Variants in UBE2QL1 observed in about 807,000 individuals in gnomAD.
The protein encoded by UBE2QL1 is ubiquitin-conjugating enzyme E2Q-like protein 1.
Under a neutral mutation model 12.6 loss-of-function variants are expected in UBE2QL1, and 5 were observed. The observed-to-expected ratio is 0.40, with a 90% confidence interval of 0.21 to 0.83. The LOEUF (loss-of-function observed/expected upper bound fraction) is 0.83. Among genes scored for constraint, UBE2QL1 ranks in the 40% least tolerant of loss-of-function variants. The pLI is 0.37. For synonymous variants in UBE2QL1, 96 were observed against 94.5 expected, an observed-to-expected ratio of 1.02 and a Z score of -0.10; for missense variants, 99 against 222.6, an observed-to-expected ratio of 0.44 and a Z score of 3.53.
At chr5:6,464,794 C>G (rs1739750131) in intron 1 of UBE2QL1, among the ~76,000 whole-genome samples, 2 of 152,176 alleles carry the variant, frequency 1.3e-5, no homozygotes, top group African/African-American at 2.4e-5. Flanking sequence ...ACTTAGAGTG[C>G]AGCTAATTTC....
chr5:6,470,832 G>A (rs1739900160), intron 1 of UBE2QL1, among the ~76,000 whole-genome samples: 1 of 152,138 alleles, frequency 6.6e-6, no homozygotes, highest in African/African-American at 2.4e-5. Flanking sequence ...CAGAAGTGGG[G>A]TACTGGATCA....
chr5:6,463,104 A>G (rs1190071810), intron 1 of UBE2QL1, among the ~76,000 whole-genome samples: 1 of 152,160 alleles, frequency 6.6e-6, no homozygotes, highest in Non-Finnish European at 1.5e-5. Flanking sequence ...ATTGCACCCA[A>G]TCTTAATTGT....
In UBE2QL1 at chr5:6,481,740, A is replaced by G. The variant is rs534750811; in HGVS notation, c.355-9478A>G. Among the ~76,000 whole-genome samples, 2 of 152,066 alleles carry G rather than the reference A, an allele frequency of 1.3e-5. No homozygotes were observed. Among genetic ancestry groups the G allele is most frequent in the African/African-American group, 2.4e-5 (1 of 41,412 alleles). ...GAGTGGCCTCTGCCAGGCCCTCGCC[A>G]TCTTCTCTGGACCATGACAATAACC... On this transcript the variant is annotated intron_variant, in intron 1 of 1. Coordinates refer to ENST00000399816, the MANE Select transcript of UBE2QL1 (RefSeq NM_001145161.3). The surrounding 1 kb of genome is among the most constrained non-coding windows in gnomAD (Gnocchi z 4.5).
intron 1 of UBE2QL1, among the ~76,000 whole-genome samples, chr5:6,486,770 A>C (rs1579302808): frequency 6.6e-6 from 1 of 152,150 alleles, no homozygotes. Flanking sequence ...AGTTGTTCTC[A>C]ATCAGGAGTG....
chr5:6,474,775 C>T (rs1312840758), intron 1 of UBE2QL1, among the ~76,000 whole-genome samples: 2 of 152,262 alleles, frequency 1.3e-5, no homozygotes, highest in South Asian at 2.1e-4. Flanking sequence ...TGGAATAATG[C>T]GTGGTGGGGC....
At position 6,491,714 on chromosome 5, in the gene UBE2QL1, G is replaced by A. The variant is rs1241092486; in HGVS notation, c.*365G>A. 1 of 165,498 alleles carries A rather than the reference G, an allele frequency of 6.0e-6. No homozygotes were observed. The highest frequency in any genetic ancestry group is 2.4e-5 in the African/African-American group (1 of 41,908). 10.3% of individuals were successfully genotyped at this position (165,498 alleles called of 1,614,324 possible). On this transcript the variant is annotated 3_prime_UTR_variant, in exon 2 of 2. Transcript: ENST00000399816. Reference sequence around the variant, plus strand: ...CGGCAGGAAACTCAATGCCCCTGCTGGCTCCATTTCCATGTAAATGGCGCC... The same window carrying A: ...CGGCAGGAAACTCAATGCCCCTGCTAGCTCCATTTCCATGTAAATGGCGCC...
rs896235602 is a variant in UBE2QL1 at position 6,479,659 on chromosome 5, C to T, written c.355-11559C>T. On this transcript the variant is annotated intron_variant, in intron 1 of 1. Transcript: ENST00000399816. This position sits in a 1 kb window ranked among gnomAD's most constrained non-coding sequence, Gnocchi z 4.2. ...GATCTCACAAGGAGAAAACACAGAC[C>T]GGGGGTCTCCTTTGTGCTGAGTAAG... 2.0e-5 allele frequency among the ~76,000 whole-genome samples: 3 copies of T among 152,104 alleles called. No homozygotes were observed. The highest frequency in any genetic ancestry group is 7.2e-5 in the African/African-American group (3 of 41,418).
At chr5:6,450,385 C>A (rs1201422503) in intron 1 of UBE2QL1, among the ~76,000 whole-genome samples, 2 of 152,128 alleles carry the variant, frequency 1.3e-5, no homozygotes, top group Non-Finnish European at 2.9e-5. Context: ...AGGGTGAGTG[C>A]GTGATGGTGT....
intron 1 of UBE2QL1, among the ~76,000 whole-genome samples, chr5:6,471,294 A>T (rs1739908473): frequency 6.6e-6 from 1 of 152,090 alleles, no homozygotes; most frequent in Non-Finnish European, 1.5e-5. Flanking sequence ...CTTCTCTCCT[A>T]GTTTCTGTAG....
chr5:6,478,149 T>C lies in UBE2QL1; in HGVS notation c.355-13069T>C, dbSNP rs1734277756. ...AGAAAGTAACCTATCTTTTATAGAG[T>C]TTGTGCCCAGATCATATTTTCACAC... On this transcript the variant is annotated intron_variant, in intron 1 of 1. Coordinates refer to ENST00000399816, the MANE Select transcript of UBE2QL1 (RefSeq NM_001145161.3). The surrounding 1 kb of genome is among the most constrained non-coding windows in gnomAD (Gnocchi z 4.5). Among the ~76,000 whole-genome samples the C allele has an allele frequency of 6.6e-6, 1 of 152,192 alleles. No individual in the cohort carries two copies. Among genetic ancestry groups the C allele is most frequent in the Non-Finnish European group, 1.5e-5 (1 of 68,038 alleles).
chr5:6,466,306 G>GC (rs1377754187), intron 1 of UBE2QL1, among the ~76,000 whole-genome samples: 2 of 152,168 alleles, frequency 1.3e-5, no homozygotes, highest in African/African-American at 4.8e-5. Context: ...CTGCTCACGA[G>GC]CCCCTCACAC....
intron 1 of UBE2QL1, among the ~76,000 whole-genome samples, chr5:6,454,666 C>T (rs530949033): frequency 6.6e-6 from 1 of 152,072 alleles, no homozygotes; most frequent in African/African-American, 2.4e-5. Context: ...GAATGTTGCC[C>T]GCAGCTTTGA....
intron 1 of UBE2QL1, among the ~76,000 whole-genome samples, chr5:6,461,536 A>ACCCCCCCCCCCCCCCCCC (rs1489545549): frequency 5.5e-5 from 2 of 36,224 alleles, no homozygotes; most frequent in Non-Finnish European, 1.1e-4. Context: ...GTTTTTCAGC[A>ACCCCCCCCCCCCCCCCCC]CCCACCACCC....
intron 1 of UBE2QL1, among the ~76,000 whole-genome samples, chr5:6,470,060 T>C (rs995647581): frequency 6.6e-6 from 1 of 152,000 alleles, no homozygotes; most frequent in Admixed American, 6.5e-5. Context: ...GGCGGCTCTG[T>C]TGTGTGGACC....
intron 1 of UBE2QL1, among the ~76,000 whole-genome samples, chr5:6,462,282 G>A (rs1560929651): frequency 1.3e-5 from 2 of 152,192 alleles, no homozygotes; most frequent in Admixed American, 6.5e-5. Context: ...AAAGGAGGGG[G>A]ATCTGCCGGC....
intron 1 of UBE2QL1, among the ~76,000 whole-genome samples, chr5:6,469,808 A>G (rs1028769476): frequency 1.3e-5 from 2 of 152,176 alleles, no homozygotes; most frequent in South Asian, 2.1e-4. Context: ...AACAATATAA[A>G]TAGATTTTCT....
At chr5:6,469,019 T>C (rs1234534002) in intron 1 of UBE2QL1, among the ~76,000 whole-genome samples, 1 of 152,220 alleles carries the variant, frequency 6.6e-6, no homozygotes, top group Non-Finnish European at 1.5e-5. Context: ...GACTTGTGCG[T>C]GCAACCAGCC....
rs559375705 is a variant in UBE2QL1 at position 6,461,547 on chromosome 5, C to G, written c.354+12300C>G. Reference sequence around the variant, plus strand: ...CAGTGTTTTTCAGCACCCACCACCCCCCCCCGCCGGCATATCATTCTAGGA... The same window carrying G: ...CAGTGTTTTTCAGCACCCACCACCCGCCCCCGCCGGCATATCATTCTAGGA... On this transcript the variant is annotated intron_variant, in intron 1 of 1. Transcript: ENST00000399816. 1.5e-4 allele frequency among the ~76,000 whole-genome samples: 17 copies of G among 114,778 alleles called. 2 individuals carry two copies. The highest frequency in any genetic ancestry group is 2.6e-4 in the Non-Finnish European group (14 of 54,022). The allele number at this position is 114,778 out of a possible 152,430, so 75.3% of individuals were successfully genotyped here.
At chr5:6,466,641 G>C (rs1490073301) in intron 1 of UBE2QL1, among the ~76,000 whole-genome samples, 1 of 152,262 alleles carries the variant, frequency 6.6e-6, no homozygotes. Context: ...AAGACGAAGG[G>C]TGTGGAGTGC....
Sources: gnomAD v4.1 joint callset for allele counts (sites outside exome capture counted in the v4.1 genomes callset) on GRCh38, gnomAD v4.1.1 for gene constraint, Gnocchi (gnomAD v3.1) non-coding constraint, MANE v1.5 for transcripts, NCBI Gene and HGNC (gene_info 2026-07-23, HGNC 2026-07-21) for gene names.